TMEM217B: variants seen among roughly 807,000 people sequenced by gnomAD.
TMEM217B encodes putative transmembrane protein 217B.
At chr6:37,257,833 G>A in the TMEM217B span, 1 of 1,495,454 alleles carries the variant, frequency 6.7e-7, no homozygotes. Flanking sequence ...AAGCGGCCTG[G>A]GTTGGCCCTC....
At chr6:37,214,247 C>T in the TMEM217B span, among the ~76,000 whole-genome samples, 1 of 152,044 alleles carries the variant, frequency 6.6e-6, no homozygotes, top group Non-Finnish European at 1.5e-5. Flanking sequence ...CTCTCTCTTT[C>T]GACAGAGTCT....
At chr6:37,252,607 GTATGTGTGTGTATATA>G in the TMEM217B span, among the ~76,000 whole-genome samples, 12 of 35,864 alleles carry the variant, frequency 3.3e-4, no homozygotes, top group Admixed American at 1.9e-3. Context: ...GTGTGTGTGT[GTATGTGTGTGTATATA>G]TATATATATA....
chr6:37,241,676 T>C, the TMEM217B span, among the ~76,000 whole-genome samples: 1 of 152,208 alleles, frequency 6.6e-6, no homozygotes, highest in African/African-American at 2.4e-5. Context: ...AGAGATTGAA[T>C]TTTTTTCTAG....
the TMEM217B span, among the ~76,000 whole-genome samples, chr6:37,217,132 A>T: frequency 6.6e-6 from 1 of 152,216 alleles, no homozygotes; most frequent in Non-Finnish European, 1.5e-5. Context: ...CGTCTCTACT[A>T]AAAATACAAA....
the TMEM217B span, among the ~76,000 whole-genome samples, chr6:37,214,250 C>G: frequency 6.6e-6 from 1 of 152,144 alleles, no homozygotes; most frequent in Non-Finnish European, 1.5e-5. Context: ...TCTCTTTCGA[C>G]AGAGTCTTGC....
At chr6:37,240,373 G>A in the TMEM217B span, among the ~76,000 whole-genome samples, 1 of 152,172 alleles carries the variant, frequency 6.6e-6, no homozygotes, top group Non-Finnish European at 1.5e-5. Context: ...CTGTTGGCAG[G>A]AAGCCACAGT....
chr6:37,218,643 A>G, the TMEM217B span: 1 of 1,614,178 alleles, frequency 6.2e-7, no homozygotes, highest in South Asian at 1.1e-5. Context: ...ACCAAGCCAA[A>G]CCAGCGCATG....
chr6:37,246,084 G>A, the TMEM217B span, among the ~76,000 whole-genome samples: 1 of 152,158 alleles, frequency 6.6e-6, no homozygotes, highest in Non-Finnish European at 1.5e-5. Flanking sequence ...TTACAGGCGT[G>A]AGCCACTGCG....
chr6:37,218,808 T>G, the TMEM217B span: 1 of 1,614,058 alleles, frequency 6.2e-7, no homozygotes, highest in Non-Finnish European at 8.5e-7. Context: ...ATGAGGATGG[T>G]GATGAAAGAC....
At chr6:37,230,713 C>G in the TMEM217B span, among the ~76,000 whole-genome samples, 4 of 152,218 alleles carry the variant, frequency 2.6e-5, no homozygotes, top group South Asian at 8.3e-4. Context: ...GTTGTTTAAG[C>G]CACTCTGTGA....
the TMEM217B span, among the ~76,000 whole-genome samples, chr6:37,229,607 G>A: frequency 6.6e-6 from 1 of 152,088 alleles, no homozygotes; most frequent in Non-Finnish European, 1.5e-5. Flanking sequence ...CTCCCAAAGT[G>A]CTGGGATTAC....
At chr6:37,239,970 T>G in the TMEM217B span, among the ~76,000 whole-genome samples, 1 of 151,980 alleles carries the variant, frequency 6.6e-6, no homozygotes, top group Admixed American at 6.5e-5. Context: ...AACTAGAAAT[T>G]TATTTTCTTC....
the TMEM217B span, among the ~76,000 whole-genome samples, chr6:37,237,189 T>C: frequency 5.9e-5 from 9 of 152,224 alleles, no homozygotes; most frequent in Non-Finnish European, 1.0e-4. Context: ...TTAAAGAATT[T>C]GCCAAGATGT....
the TMEM217B span, among the ~76,000 whole-genome samples, chr6:37,213,158 G>A: frequency 1.3e-5 from 2 of 152,202 alleles, no homozygotes; most frequent in Non-Finnish European, 2.9e-5. Flanking sequence ...CCCGTGCTCT[G>A]GCCTAACTTG....
At chr6:37,250,979 G>A in the TMEM217B span, among the ~76,000 whole-genome samples, 1 of 152,182 alleles carries the variant, frequency 6.6e-6, no homozygotes, top group African/African-American at 2.4e-5. Flanking sequence ...GATGAAGGTA[G>A]ATTACTGCCC....
At chr6:37,223,231 GA>G in the TMEM217B span, among the ~76,000 whole-genome samples, 5 of 148,614 alleles carry the variant, frequency 3.4e-5, no homozygotes, top group East Asian at 2.0e-4. Flanking sequence ...TTGCACAACT[GA>G]AAAAAAAACA....
chr6:37,238,675 C>T, the TMEM217B span, among the ~76,000 whole-genome samples: 1 of 152,170 alleles, frequency 6.6e-6, no homozygotes, highest in Non-Finnish European at 1.5e-5. Context: ...TGGTGTGATG[C>T]CTGCAGCCTC....
At chr6:37,243,255 C>T in the TMEM217B span, among the ~76,000 whole-genome samples, 18 of 152,244 alleles carry the variant, frequency 1.2e-4, no homozygotes, top group African/African-American at 3.9e-4. Context: ...TGAAACAGGG[C>T]GTTTAGTTAT....
At chr6:37,235,062 A>AT in the TMEM217B span, among the ~76,000 whole-genome samples, 1 of 152,222 alleles carries the variant, frequency 6.6e-6, no homozygotes, top group Non-Finnish European at 1.5e-5. Context: ...TAACTGCAAA[A>AT]TGGTTAAAGC....
Sources: gnomAD v4.1 joint callset for allele counts (sites outside exome capture counted in the v4.1 genomes callset) on GRCh38, gnomAD v4.1.1 for gene constraint, MANE v1.5 for transcripts, NCBI Gene and HGNC (gene_info 2026-07-23, HGNC 2026-07-21) for gene names.